Variants in BBX observed in about 807,000 individuals in gnomAD.
BBX encodes the protein HMG box transcription factor BBX.
A neutral mutation model predicts 100.2 loss-of-function variants in BBX; 30 were observed. The observed-to-expected ratio is 0.30, with a 90% CI of 0.22 to 0.41. The LOEUF (loss-of-function observed/expected upper bound fraction) is 0.41, where lower values mean the gene tolerates loss of function less well. Among genes scored for constraint, BBX ranks in the 10% least tolerant of loss-of-function variants. The probability of loss-of-function intolerance (pLI) is 1.00; values close to 1 mark genes in which losing one functional copy is unlikely to be tolerated. For missense variants in BBX, 1,023 were observed against 1,129.8 expected, an observed-to-expected ratio of 0.91 and a Z score of 1.35; for synonymous variants, 376 against 388.1, an observed-to-expected ratio of 0.97 and a Z score of 0.37.
At chr3:107,783,065 G>A (rs1180499013) in intron 13 of BBX, among the ~76,000 whole-genome samples, 1 of 152,034 alleles carries the variant, frequency 6.6e-6, no homozygotes, top group East Asian at 1.9e-4. Context: ...AGATGTAATA[G>A]TAAATTTCCT....
At chr3:107,802,264 T>C (rs190699656) in intron 17 of BBX, among the ~76,000 whole-genome samples, 2 of 152,256 alleles carry the variant, frequency 1.3e-5, no homozygotes, top group African/African-American at 2.4e-5. Flanking sequence ...CAGGTAAACC[T>C]GGAGTCCCCT....
intron 10 of BBX, among the ~76,000 whole-genome samples, chr3:107,762,646 T>C (rs889000169): frequency 6.6e-6 from 1 of 152,184 alleles, no homozygotes; most frequent in Non-Finnish European, 1.5e-5. Flanking sequence ...TGCAAAACAT[T>C]TGTTTTGTAC....
At chr3:107,776,284 A>G (rs1299391507) in intron 12 of BBX, 2 of 152,194 alleles carry the variant, frequency 1.3e-5, no homozygotes, top group East Asian at 3.9e-4. Context: ...AGAGATTTTC[A>G]TCAATTTTCT....
intron 3 of BBX, among the ~76,000 whole-genome samples, chr3:107,707,073 T>A (rs1302552289): frequency 2.6e-5 from 4 of 152,242 alleles, no homozygotes; most frequent in African/African-American, 9.6e-5. Context: ...TCATAGTTAT[T>A]AGATCAATTA....
chr3:107,798,834 CTAAAAAAAA>C (rs1450477757), intron 16 of BBX, 114 bp downstream of exon 16: 14 of 723,024 alleles, frequency 1.9e-5, no homozygotes, highest in Middle Eastern at 4.0e-4. Flanking sequence ...AGCCAATGAG[CTAAAAAAAA>C]AAAAAAACAA....
At chr3:107,795,830 C>T (rs1421279006) in intron 15 of BBX, among the ~76,000 whole-genome samples, 1 of 152,042 alleles carries the variant, frequency 6.6e-6, no homozygotes, top group East Asian at 1.9e-4. Context: ...CCTTTTGCAG[C>T]TGTGCCTTAC....
chr3:107,637,078 G>C (rs1031114214), intron 2 of BBX, among the ~76,000 whole-genome samples: 1 of 152,068 alleles, frequency 6.6e-6, no homozygotes, highest in African/African-American at 2.4e-5. Context: ...AAAAATAATA[G>C]ACCTTTTTTT....
intron 2 of BBX, among the ~76,000 whole-genome samples, chr3:107,571,274 A>T (rs932991644): frequency 6.6e-6 from 1 of 152,240 alleles, no homozygotes; most frequent in Non-Finnish European, 1.5e-5. Context: ...CTTGTCACCA[A>T]GGGTACGTGG....
intron 15 of BBX, 86 bp from the exon 16 acceptor site, chr3:107,798,437 C>A: frequency 7.8e-7 from 1 of 1,288,976 alleles, no homozygotes; most frequent in Non-Finnish European, 1.1e-6. Flanking sequence ...TCAGACGGGT[C>A]AGAAATTTAG....
At chr3:107,639,272 G>A (rs943943131) in intron 2 of BBX, among the ~76,000 whole-genome samples, 1 of 152,182 alleles carries the variant, frequency 6.6e-6, no homozygotes, top group Middle Eastern at 3.2e-3. Context: ...CTCAACAGGG[G>A]ACAAGGTGGT....
chr3:107,591,392 C>T (rs2053298676), intron 2 of BBX, among the ~76,000 whole-genome samples: 1 of 152,146 alleles, frequency 6.6e-6, no homozygotes, highest in Non-Finnish European at 1.5e-5. Context: ...AGTGTAAGTC[C>T]ATTAAAAGAA....
At chr3:107,654,188 A>G (rs963744776) in intron 3 of BBX, among the ~76,000 whole-genome samples, 1 of 152,228 alleles carries the variant, frequency 6.6e-6, no homozygotes, top group Non-Finnish European at 1.5e-5. Flanking sequence ...GGACAGAAGC[A>G]TACAGATCAT....
intron 2 of BBX, among the ~76,000 whole-genome samples, chr3:107,588,046 T>C (rs950800172): frequency 6.6e-5 from 10 of 152,348 alleles, no homozygotes; most frequent in Non-Finnish European, 1.3e-4. Flanking sequence ...CTTTGTATTT[T>C]TTTACCTGTT....
chr3:107,724,029 A>G (rs536279768), intron 5 of BBX, among the ~76,000 whole-genome samples: 63 of 152,350 alleles, frequency 4.1e-4, no homozygotes, highest in African/African-American at 1.3e-3. Context: ...TCCCACCAAC[A>G]GTGTAAAAGT....
intron 7 of BBX, among the ~76,000 whole-genome samples, chr3:107,737,613 T>C (rs1192058118): frequency 6.6e-6 from 1 of 152,176 alleles, no homozygotes; most frequent in African/African-American, 2.4e-5. Context: ...CAAGTGTTTA[T>C]TGAATGCCTT....
intron 3 of BBX, among the ~76,000 whole-genome samples, chr3:107,689,936 C>A (rs2060056038): frequency 6.6e-6 from 1 of 152,046 alleles, no homozygotes; most frequent in Non-Finnish European, 1.5e-5. Flanking sequence ...AGGCGCCTCT[C>A]AAATGGGCAT....
intron 2 of BBX, among the ~76,000 whole-genome samples, chr3:107,537,037 C>T (rs1173143741): frequency 6.6e-6 from 1 of 152,114 alleles, no homozygotes; most frequent in Non-Finnish European, 1.5e-5. Context: ...CTAATTTGGC[C>T]TAAGCATTAT....
chr3:107,768,587 T>A (rs1444236535), intron 10 of BBX, among the ~76,000 whole-genome samples: 1 of 151,890 alleles, frequency 6.6e-6, no homozygotes, highest in Non-Finnish European at 1.5e-5. Context: ...TTTGAAGAGA[T>A]AAACTTAATA....
chr3:107,580,937 A>G (rs1436346677), intron 2 of BBX, among the ~76,000 whole-genome samples: 2 of 152,204 alleles, frequency 1.3e-5, no homozygotes, highest in East Asian at 3.9e-4. Context: ...AGCACAGTCA[A>G]TATTTTTAAT....
Sources: allele counts gnomAD v4.1 joint callset (sites outside exome capture counted in the v4.1 genomes callset), GRCh38; gene constraint gnomAD v4.1.1; transcripts MANE v1.5; gene names NCBI Gene and HGNC (gene_info 2026-07-23, HGNC 2026-07-21).